ARHGEF28: variants seen among roughly 807,000 people sequenced by gnomAD.
ARHGEF28 encodes the protein Rho guanine nucleotide exchange factor 28, also known as 190 kDa guanine nucleotide exchange factor.
In ARHGEF28, 152 loss-of-function variants were observed where a neutral mutation model predicts 206.6. That is an observed-to-expected ratio of 0.74 (90% CI 0.64 to 0.84). The LOEUF is 0.84. Among genes scored for constraint, ARHGEF28 ranks in the 40% least tolerant of loss-of-function variants. The pLI, the probability that ARHGEF28 is intolerant of heterozygous loss-of-function variation, is 0.00. For synonymous variants in ARHGEF28, 763 were observed against 776.4 expected, an observed-to-expected ratio of 0.98 and a Z score of 0.29; for missense variants, 2,028 against 2,073.2, an observed-to-expected ratio of 0.98 and a Z score of 0.42.
intron 2 of ARHGEF28, among the ~76,000 whole-genome samples, chr5:73,717,111 A>G (rs1749630134): frequency 6.6e-6 from 1 of 152,102 alleles, no homozygotes; most frequent in East Asian, 1.9e-4. Flanking sequence ...ACCCAAACAA[A>G]TCCTTAGGTA....
intron 35 of ARHGEF28, among the ~76,000 whole-genome samples, chr5:73,925,363 A>G (rs528396069): frequency 1.8e-3 from 267 of 152,246 alleles, no homozygotes; most frequent in African/African-American, 6.2e-3. Flanking sequence ...TGTTTCCTCT[A>G]TCGAGAATAT....
chr5:73,732,754 G>A (rs183752159), intron 2 of ARHGEF28, among the ~76,000 whole-genome samples: 5 of 152,120 alleles, frequency 3.3e-5, no homozygotes, highest in African/African-American at 7.2e-5. Context: ...ATTTTAATAA[G>A]GGCTTAATAT....
chr5:73,911,160 T>C, intron 34 of ARHGEF28, 115 bp from the exon 35 acceptor site: 2 of 1,088,322 alleles, frequency 1.8e-6, no homozygotes, highest in South Asian at 1.7e-5. Context: ...AGTGGTAATC[T>C]TGACCTCACT....
At chr5:73,907,016 G>A (rs746278165) in intron 33 of ARHGEF28, among the ~76,000 whole-genome samples, 1 of 152,280 alleles carries the variant, frequency 6.6e-6, no homozygotes, top group East Asian at 1.9e-4. Flanking sequence ...TTACTGCTTA[G>A]GCTAGGACTT....
At chr5:73,862,483 C>T (rs1759456909) in intron 16 of ARHGEF28, among the ~76,000 whole-genome samples, 1 of 152,138 alleles carries the variant, frequency 6.6e-6, no homozygotes, top group Non-Finnish European at 1.5e-5. Flanking sequence ...CTGCTACCAA[C>T]ATATCTTTTA....
chr5:73,635,240 G>A (rs940742148), intron 1 of ARHGEF28, among the ~76,000 whole-genome samples: 2 of 152,200 alleles, frequency 1.3e-5, no homozygotes, highest in Admixed American at 1.3e-4. Context: ...CTACTCGGGA[G>A]GCTAAGGCAG....
intron 21 of ARHGEF28, among the ~76,000 whole-genome samples, chr5:73,871,940 C>A (rs1234446280): frequency 6.6e-6 from 1 of 152,124 alleles, no homozygotes; most frequent in Non-Finnish European, 1.5e-5. Context: ...GTACACCATT[C>A]CTTTTTATGG....
chr5:73,782,132 T>TAA (rs35157852), intron 7 of ARHGEF28, among the ~76,000 whole-genome samples: 3,922 of 143,194 alleles, frequency 0.027, 102 homozygotes, highest in African/African-American at 0.061. Context: ...GCATGTTTGT[T>TAA]AAAAAAAAAA....
intron 4 of ARHGEF28, among the ~76,000 whole-genome samples, chr5:73,765,949 G>A (rs1162212190): frequency 2.0e-5 from 3 of 152,070 alleles, no homozygotes; most frequent in East Asian, 1.9e-4. Flanking sequence ...TCAGGAGATC[G>A]AGACCATCTT....
intron 35 of ARHGEF28, among the ~76,000 whole-genome samples, chr5:73,927,434 C>G (rs1173759427): frequency 6.6e-6 from 1 of 152,156 alleles, no homozygotes; most frequent in Non-Finnish European, 1.5e-5. Flanking sequence ...GCACAGATAT[C>G]AAAAGCTAGA....
chr5:73,873,091 C>A lies in ARHGEF28; in HGVS notation c.2659C>A (p.His887Asn), dbSNP rs1472588733. 1 of 1,613,306 alleles carries A rather than the reference C, an allele frequency of 6.2e-7. No homozygotes were observed. Among genetic ancestry groups the A allele is most frequent in the Non-Finnish European group, 8.5e-7 (1 of 1,179,662 alleles). ...CATGAAAGAGGAGCTGCAGCTGGAC[C>A]ACAGCACCGTGGATAAAATTTTCCC... ...KGMKEELQLD[H>N]STVDKIFPCL... Residue 887 changes from histidine to asparagine, a missense_variant, in exon 22 of 36, where the codon CAC (histidine) becomes AAC (asparagine). Physicochemically the swap from His to Asn is moderately conservative, Grantham distance 68. Transcript: ENST00000513042.
intron 9 of ARHGEF28, among the ~76,000 whole-genome samples, chr5:73,804,042 A>T (rs997980728): frequency 7.1e-6 from 1 of 141,118 alleles, no homozygotes; most frequent in Non-Finnish European, 1.5e-5. Flanking sequence ...CAGTGGTTGC[A>T]CCATTGCACT....
chr5:73,936,424 C>T (rs1764420063), intron 35 of ARHGEF28, among the ~76,000 whole-genome samples: 1 of 152,160 alleles, frequency 6.6e-6, no homozygotes, highest in Admixed American at 6.5e-5. Flanking sequence ...TACTGCATTT[C>T]AACGCTTCAT....
intron 4 of ARHGEF28, among the ~76,000 whole-genome samples, chr5:73,755,558 AG>A (rs756642716): frequency 3.9e-5 from 6 of 152,188 alleles, no homozygotes; most frequent in Non-Finnish European, 8.8e-5. Flanking sequence ...GCTTAAACTA[AG>A]GGTCTCCAAA....
intron 2 of ARHGEF28, among the ~76,000 whole-genome samples, chr5:73,749,345 A>G (rs1295069255): frequency 6.6e-6 from 1 of 152,206 alleles, no homozygotes; most frequent in Admixed American, 6.5e-5. Context: ...AATTAACTCA[A>G]GCCATGATGT....
chr5:73,641,100 A>C (rs1485844481), intron 1 of ARHGEF28, among the ~76,000 whole-genome samples: 1 of 152,254 alleles, frequency 6.6e-6, no homozygotes, highest in East Asian at 1.9e-4. Flanking sequence ...TCATGGTCAC[A>C]AAGACACTGT....
intron 29 of ARHGEF28, among the ~76,000 whole-genome samples, chr5:73,895,640 T>TA (rs1021920228): frequency 6.6e-6 from 1 of 152,046 alleles, no homozygotes; most frequent in African/African-American, 2.4e-5. Context: ...GCTGGTAAAT[T>TA]ACAGACCACG....
At chr5:73,780,912 A>G (rs1056763851) in intron 7 of ARHGEF28, among the ~76,000 whole-genome samples, 167 bp downstream of exon 7, 1 of 152,176 alleles carries the variant, frequency 6.6e-6, no homozygotes, top group African/African-American at 2.4e-5. Context: ...ACAGCATCAA[A>G]TGAAGTATAC....
At chr5:73,759,332 T>A (rs993415166) in intron 4 of ARHGEF28, among the ~76,000 whole-genome samples, 1 of 152,186 alleles carries the variant, frequency 6.6e-6, no homozygotes, top group Non-Finnish European at 1.5e-5. Flanking sequence ...GAGTAGTAAG[T>A]TAAAGGAAAT....
Sources: allele counts gnomAD v4.1 joint callset (sites outside exome capture counted in the v4.1 genomes callset), GRCh38; gene constraint gnomAD v4.1.1; transcripts MANE v1.5; gene names NCBI Gene and HGNC (gene_info 2026-07-23, HGNC 2026-07-21).